VAPB: variants seen among roughly 807,000 people sequenced by gnomAD.
VAPB encodes VAMP associated protein B and C, also known as vesicle-associated membrane protein-associated protein B/C.
VAPB carries 7 observed loss-of-function variants against 25.6 expected under a neutral mutation model. That is an observed-to-expected ratio of 0.27 (90% confidence interval 0.16 to 0.51). The LOEUF (loss-of-function observed/expected upper bound fraction) is 0.51, where lower values mean the gene tolerates loss of function less well. Ranked by LOEUF, VAPB falls within the 20% of genes least tolerant of loss-of-function variation. The pLI, the probability that VAPB is intolerant of heterozygous loss-of-function variation, is 0.97. For synonymous variants in VAPB, 112 were observed against 109.2 expected (o/e 1.03, Z -0.16); for missense variants, 266 against 301.3 (o/e 0.88, Z 0.87).
rs1341232878 is a variant in VAPB at position 58,389,533 on chromosome 20, C to T, written c.58+16C>T. 1.3e-6 allele frequency: 2 copies of T among 1,570,962 alleles called. No homozygotes were observed. The highest frequency in any genetic ancestry group is 2.7e-5 in the African/African-American group (2 of 73,036). ...AAATTCCGAGGTAAGCCCCAGAGGC[C>T]GCCACCTTCCTGCCCGCGGCCTCCG... On this transcript the variant is annotated intron_variant, in intron 1 of 5. Coordinates refer to ENST00000475243, the MANE Select transcript of VAPB (RefSeq NM_004738.5).
intron 1 of VAPB, among the ~76,000 whole-genome samples, chr20:58,414,092 C>T (rs1988457654): frequency 1.1e-5 from 1 of 93,640 alleles, no homozygotes; most frequent in African/African-American, 4.1e-5. Flanking sequence ...AGGCGCCCCT[C>T]ACCTCCCGGA....
intron 1 of VAPB, among the ~76,000 whole-genome samples, chr20:58,410,307 A>G (rs1423283700): frequency 1.3e-5 from 2 of 152,224 alleles, no homozygotes; most frequent in Non-Finnish European, 2.9e-5. Context: ...GTATAATGAC[A>G]TGTATCCACC....
intron 2 of VAPB, among the ~76,000 whole-genome samples, chr20:58,420,105 C>A (rs573977267): frequency 2.0e-5 from 3 of 152,222 alleles, no homozygotes; most frequent in Admixed American, 1.3e-4. Context: ...CTTGCCTCAG[C>A]CTCCCGAGTA....
chr20:58,433,149 C>CACA (rs1988963428), intron 2 of VAPB, among the ~76,000 whole-genome samples: 1 of 152,116 alleles, frequency 6.6e-6, no homozygotes, highest in Non-Finnish European at 1.5e-5. Flanking sequence ...GTTCCATTAG[C>CACA]TTTGTCGTGG....
intron 5 of VAPB, among the ~76,000 whole-genome samples, chr20:58,442,558 A>G (rs1042226642): frequency 3.5e-4 from 54 of 152,314 alleles, no homozygotes; most frequent in African/African-American, 1.3e-3. Flanking sequence ...TGATCAGACC[A>G]ATCTCAACAT....
chr20:58,440,778 A>T, intron 4 of VAPB, 129 bp from the exon 5 acceptor site: 1 of 814,194 alleles, frequency 1.2e-6, no homozygotes, highest in Non-Finnish European at 2.0e-6. Context: ...TTTAAAATAA[A>T]TGTGACATTT....
rs1056892002 is a variant in VAPB at position 58,450,979 on chromosome 20, T to A, written c.*6744T>A. 60 of 454,142 alleles carry A rather than the reference T, an allele frequency of 1.3e-4. No homozygotes were observed. Among genetic ancestry groups the A allele is most frequent in the African/African-American group, 1.1e-3 (56 of 50,148 alleles). The allele number at this position is 454,142 out of a possible 1,614,324, so 28.1% of individuals were successfully genotyped here. On this transcript the variant is annotated 3_prime_UTR_variant, in exon 6 of 6. Transcript: ENST00000475243. Reference sequence around the variant, plus strand: ...CAGGGTCCAGACCAAAAGAGCCATTTACAGCATGTTCTCCCATGTTCCATT... The same window carrying A: ...CAGGGTCCAGACCAAAAGAGCCATTAACAGCATGTTCTCCCATGTTCCATT...
chr20:58,416,081 C>T (rs1988534790), intron 1 of VAPB, among the ~76,000 whole-genome samples: 1 of 152,150 alleles, frequency 6.6e-6, no homozygotes, highest in South Asian at 2.1e-4. Context: ...CAAATAAAAG[C>T]CTGTGAAAGG....
At chr20:58,414,655 C>A (rs2075636844) in intron 1 of VAPB, among the ~76,000 whole-genome samples, 2 of 151,850 alleles carry the variant, frequency 1.3e-5, no homozygotes, top group African/African-American at 4.8e-5. Context: ...CTCCTCACTT[C>A]CTAGATGTGA....
intron 2 of VAPB, among the ~76,000 whole-genome samples, chr20:58,429,284 A>G (rs576077841): frequency 6.6e-6 from 1 of 152,302 alleles, no homozygotes; most frequent in Non-Finnish European, 1.5e-5. Flanking sequence ...CCATTCACCA[A>G]TGCATGTAGG....
At chr20:58,440,836 C>A in intron 4 of VAPB, 71 bp from the exon 5 acceptor site, 1 of 1,485,992 alleles carries the variant, frequency 6.7e-7, no homozygotes, top group Non-Finnish European at 9.2e-7. Context: ...CTGAGAACTA[C>A]TTTACTTTGC....
intron 1 of VAPB, among the ~76,000 whole-genome samples, chr20:58,396,493 A>G (rs781707350): frequency 1.3e-5 from 2 of 152,178 alleles, no homozygotes; most frequent in Non-Finnish European, 2.9e-5. Context: ...CCCCTAGACC[A>G]TTTACCTAGA....
chr20:58,448,434 T>A lies in VAPB; in HGVS notation c.*4199T>A, dbSNP rs1989348717. On this transcript the variant is annotated 3_prime_UTR_variant, in exon 6 of 6. Transcript: ENST00000475243. ...CCTTACCTGTATAGAACATTTCCAA[T>A]ACATTCGCTCATTGAACTTAATCCT... 2.2e-6 allele frequency: 1 copy of A among 453,994 alleles called. No homozygotes were observed. Among genetic ancestry groups the A allele is most frequent in the Non-Finnish European group, 4.4e-6 (1 of 226,804 alleles). 28.1% of individuals were successfully genotyped at this position (453,994 alleles called of 1,614,324 possible).
intron 1 of VAPB, among the ~76,000 whole-genome samples, chr20:58,396,961 C>G (rs1987972764): frequency 6.6e-6 from 1 of 152,178 alleles, no homozygotes; most frequent in Non-Finnish European, 1.5e-5. Flanking sequence ...ATACCAGTAT[C>G]AGCTCATTAG....
intron 1 of VAPB, among the ~76,000 whole-genome samples, chr20:58,410,512 G>T (rs1053329376): frequency 6.6e-6 from 1 of 152,078 alleles, no homozygotes; most frequent in Non-Finnish European, 1.5e-5. Context: ...CGCCTCCTGG[G>T]TTCAAACTGT....
At chr20:58,437,336 T>C (rs1989071179) in intron 3 of VAPB, among the ~76,000 whole-genome samples, 1 of 152,078 alleles carries the variant, frequency 6.6e-6, no homozygotes, top group Non-Finnish European at 1.5e-5. Context: ...GTATTCTGGA[T>C]TTATTTGATT....
At chr20:58,441,530 C>T (rs1392786699) in intron 5 of VAPB, among the ~76,000 whole-genome samples, 1 of 151,978 alleles carries the variant, frequency 6.6e-6, no homozygotes, top group Non-Finnish European at 1.5e-5. Context: ...TAATTCCAGC[C>T]ACTCGGGAGG....
intron 2 of VAPB, among the ~76,000 whole-genome samples, chr20:58,427,191 A>G (rs1280695910): frequency 1.3e-5 from 2 of 151,674 alleles, no homozygotes; most frequent in African/African-American, 4.9e-5. Context: ...GTGATCTGTT[A>G]CCATTATGAT....
chr20:58,425,741 G>T (rs993705177), intron 2 of VAPB, among the ~76,000 whole-genome samples: 1 of 152,176 alleles, frequency 6.6e-6, no homozygotes, highest in Non-Finnish European at 1.5e-5. Flanking sequence ...TTAGAAATTG[G>T]AGTGCTCATT....
Sources: allele counts gnomAD v4.1 joint callset (sites outside exome capture counted in the v4.1 genomes callset), GRCh38; gene constraint gnomAD v4.1.1; transcripts MANE v1.5; gene names NCBI Gene and HGNC (gene_info 2026-07-23, HGNC 2026-07-21).